BCAT1: variants seen among roughly 807,000 people sequenced by gnomAD.
BCAT1 encodes the protein branched-chain-amino-acid aminotransferase, cytosolic.
BCAT1 carries 48 observed loss-of-function variants against 52.4 expected under a neutral mutation model. The ratio of observed to expected loss-of-function variants is 0.92; its 90% CI spans 0.73 to 1.16. BCAT1 has a LOEUF of 1.16. Ranked by LOEUF, BCAT1 falls within the 50% of genes most tolerant of loss-of-function variation. BCAT1 has a pLI of 0.00. For missense variants in BCAT1, 451 were observed against 457.1 expected, an observed-to-expected ratio of 0.99 and a Z score of 0.12; for synonymous variants, 167 against 161.3, an observed-to-expected ratio of 1.04 and a Z score of -0.27.
At position 24,849,848 on chromosome 12, in the gene BCAT1, C is replaced by T; in HGVS notation, c.612G>A (p.Leu204=). 1 of 1,613,824 alleles carries T rather than the reference C, an allele frequency of 6.2e-7. No individual in the cohort carries two copies. Among genetic ancestry groups the T allele is most frequent in the Non-Finnish European group, 8.5e-7 (1 of 1,179,814 alleles). ...FSSGTFNPVS[L]WANPKYVRAW... Reference sequence around the variant, plus strand: ...CTCTTACATACTTGGGATTGGCCCACAGGGACACTGGATTAAAGGTTCCAC... The same window carrying T: ...CTCTTACATACTTGGGATTGGCCCATAGGGACACTGGATTAAAGGTTCCAC... The change falls in exon 6 of 11, where the codon CTG becomes CTA. Residue 204 remains leucine, a synonymous_variant. Coordinates refer to ENST00000261192, the MANE Select transcript of BCAT1 (RefSeq NM_005504.7).
chr12:24,872,264 C>T (rs751832808), intron 5 of BCAT1, among the ~76,000 whole-genome samples: 4 of 152,152 alleles, frequency 2.6e-5, no homozygotes, highest in South Asian at 2.1e-4. Context: ...GTCTATGAAA[C>T]GCACATGTCC....
At chr12:24,865,887 T>C (rs557341107) in intron 5 of BCAT1, among the ~76,000 whole-genome samples, 1 of 152,350 alleles carries the variant, frequency 6.6e-6, no homozygotes, top group South Asian at 2.1e-4. Context: ...GTTATATAAA[T>C]TATGCTACTG....
chr12:24,891,930 T>C lies in BCAT1; in HGVS notation c.279+2345A>G, dbSNP rs536468101. ...CGCCCGGCTAATTTTTTTTTTTTTT[T>C]CTATTTTTAGTAGAGATGGGGTTTC... On this transcript the variant is annotated intron_variant, in intron 3 of 10. Transcript: ENST00000261192. Among the ~76,000 whole-genome samples, 13 of 142,648 alleles carry C rather than the reference T, an allele frequency of 9.1e-5. No homozygotes were observed. The South Asian group carries it at 3.0e-3, about 33-fold the overall frequency. 93.6% of individuals were successfully genotyped at this position (142,648 alleles called of 152,430 possible).
At chr12:24,825,187 C>CTGTT (rs1940338317) in intron 10 of BCAT1, among the ~76,000 whole-genome samples, 1 of 151,260 alleles carries the variant, frequency 6.6e-6, no homozygotes, top group Non-Finnish European at 1.5e-5. Context: ...ATCCATTTAT[C>CTGTT]TGTTGACAGA....
intron 3 of BCAT1, among the ~76,000 whole-genome samples, chr12:24,881,639 C>T (rs555143990): frequency 6.6e-6 from 1 of 152,114 alleles, no homozygotes; most frequent in African/African-American, 2.4e-5. Flanking sequence ...GTAGGAATTC[C>T]GAGTTCTCCT....
chr12:24,938,127 G>A (rs549914511), intron 1 of BCAT1, among the ~76,000 whole-genome samples: 2 of 152,238 alleles, frequency 1.3e-5, no homozygotes, highest in East Asian at 3.9e-4. Context: ...GAGGGACTGG[G>A]GTGTCTTCCA....
intron 3 of BCAT1, among the ~76,000 whole-genome samples, chr12:24,887,080 A>T (rs11047688): frequency 5.2e-4 from 21 of 40,744 alleles, no homozygotes; most frequent in South Asian, 2.3e-3. Context: ...AAAAAAAAAA[A>T]ATATATATAT....
chr12:24,901,759 G>T (rs1220808687), intron 2 of BCAT1, 55 bp downstream of exon 2: 3 of 1,541,846 alleles, frequency 1.9e-6, no homozygotes, highest in African/African-American at 1.4e-5. Flanking sequence ...AACAAGAAAT[G>T]GATTTATTCA....
At chr12:24,840,121 C>G (rs749180991) in intron 7 of BCAT1, among the ~76,000 whole-genome samples, 3 of 152,102 alleles carry the variant, frequency 2.0e-5, no homozygotes, top group Admixed American at 6.6e-5. Flanking sequence ...CTATTCTGAC[C>G]TTTAAAAGCC....
At chr12:24,888,590 G>A (rs1201131538) in intron 3 of BCAT1, among the ~76,000 whole-genome samples, 1 of 152,164 alleles carries the variant, frequency 6.6e-6, no homozygotes, top group Non-Finnish European at 1.5e-5. Flanking sequence ...GCACAGCCCT[G>A]GGCACATAGT....
At chr12:24,888,134 G>C (rs966366770) in intron 3 of BCAT1, among the ~76,000 whole-genome samples, 1 of 152,094 alleles carries the variant, frequency 6.6e-6, no homozygotes, top group Non-Finnish European at 1.5e-5. Flanking sequence ...AAATGGACTA[G>C]ATGTTTCACC....
At position 24,836,823 on chromosome 12, in the gene BCAT1, A is replaced by AAGGAAGGAAGGAAGGAAGAAAG. The variant is rs778177716; in HGVS notation, c.818-228_818-227insCTTTCTTCCTTCCTTCCTTCCT. ...GAAGGAAAGAAGGAAGGAAGGAAAG[A>AAGGAAGGAAGGAAGGAAGAAAG]AGGAAGGAAGGAAGGAGAGAGAGAG... On this transcript the variant is annotated intron_variant, in intron 7 of 10. Coordinates refer to ENST00000261192, the MANE Select transcript of BCAT1 (RefSeq NM_005504.7). Among the ~76,000 whole-genome samples, 102 of 114,486 alleles carry AAGGAAGGAAGGAAGGAAGAAAG rather than the reference A, an allele frequency of 8.9e-4. 2 individuals are homozygous for AAGGAAGGAAGGAAGGAAGAAAG. Among genetic ancestry groups the AAGGAAGGAAGGAAGGAAGAAAG allele is most frequent in the African/African-American group, 3.4e-3 (101 of 29,344 alleles). 75.1% of individuals were successfully genotyped at this position (114,486 alleles called of 152,430 possible).
rs767787260 is a variant in BCAT1, at chr12:24,812,135, T to C, written c.*5873A>G. On this transcript the variant is annotated 3_prime_UTR_variant, in exon 11 of 11. Transcript: ENST00000261192. The stretch of plus-strand genomic sequence containing the variant: ...CAAAAACTTATTGATGAAGTACAAA[T>C]TGAGGCAGAAATTTACATTCCTTTC... The C allele has an allele frequency of 2.6e-5, 4 of 152,110 alleles. No homozygotes were observed. Among genetic ancestry groups the C allele is most frequent in the Non-Finnish European group, 5.9e-5 (4 of 67,952 alleles). 9.4% of individuals were successfully genotyped at this position (152,110 alleles called of 1,614,324 possible).
intron 1 of BCAT1, among the ~76,000 whole-genome samples, chr12:24,910,230 A>C (rs1943296840): frequency 6.6e-6 from 1 of 151,994 alleles, no homozygotes; most frequent in African/African-American, 2.4e-5. Context: ...AGGAAAAATT[A>C]GCTGGGCTTG....
intron 1 of BCAT1, among the ~76,000 whole-genome samples, chr12:24,946,019 A>C (rs1302849623): frequency 2.6e-5 from 4 of 152,170 alleles, no homozygotes; most frequent in Non-Finnish European, 5.9e-5. Context: ...GGTTACCAAC[A>C]CTAAAGGGAA....
rs1322209257 is a variant in BCAT1 at position 24,866,237 on chromosome 12, G to A, written c.510+12293C>T. ...GCACCCAGGCCAGCAGCTGCGGAGG[G>A]TGCACCGGGTCCCCCAGCAGTGCTG... On this transcript the variant is annotated intron_variant, in intron 5 of 10. Transcript: ENST00000261192. Among the ~76,000 whole-genome samples the A allele has an allele frequency of 3.3e-5, 5 of 152,348 alleles. No individual in the cohort carries two copies. The South Asian group carries it at 8.3e-4, about 25-fold the overall frequency.
intron 10 of BCAT1, among the ~76,000 whole-genome samples, chr12:24,822,041 G>A (rs1242144662): frequency 6.6e-6 from 1 of 152,186 alleles, no homozygotes; most frequent in Non-Finnish European, 1.5e-5. Flanking sequence ...AGGTGAGTAT[G>A]ATGGTGAGTA....
chr12:24,895,710 AC>A (rs1372303679), intron 2 of BCAT1, among the ~76,000 whole-genome samples: 1 of 151,972 alleles, frequency 6.6e-6, no homozygotes, highest in African/African-American at 2.4e-5. Flanking sequence ...TTAAATACAG[AC>A]CTTCACTTTA....
intron 5 of BCAT1, among the ~76,000 whole-genome samples, chr12:24,877,046 CAG>C (rs1158547507): frequency 6.6e-6 from 1 of 152,108 alleles, no homozygotes; most frequent in Non-Finnish European, 1.5e-5. Context: ...TAAAACTTGT[CAG>C]AGAGACTGCA....
Sources: allele counts gnomAD v4.1 joint callset (sites outside exome capture counted in the v4.1 genomes callset), GRCh38; gene constraint gnomAD v4.1.1; transcripts MANE v1.5; gene names NCBI Gene and HGNC (gene_info 2026-07-23, HGNC 2026-07-21).